PHF14: variants seen among roughly 807,000 people sequenced by gnomAD.
PHF14 encodes PHD finger protein 14.
PHF14 carries 55 observed loss-of-function variants against 117.9 expected under a neutral mutation model. That is an observed-to-expected ratio of 0.47 (90% CI 0.38 to 0.58). PHF14 has a LOEUF of 0.58. Ranked by LOEUF, PHF14 falls within the 20% of genes least tolerant of loss-of-function variation. The pLI is 0.00. For synonymous variants in PHF14, 409 were observed against 368.6 expected, an observed-to-expected ratio of 1.11 and a Z score of -1.26; for missense variants, 978 against 1,122.2, an observed-to-expected ratio of 0.87 and a Z score of 1.84.
intron 5 of PHF14, among the ~76,000 whole-genome samples, chr7:11,016,098 A>AT (rs1056897046): frequency 7.3e-5 from 11 of 151,302 alleles, no homozygotes; most frequent in East Asian, 1.9e-4. Flanking sequence ...TTACTGAGGG[A>AT]TTTTTTTTTG....
At position 11,022,860 on chromosome 7, in the gene PHF14, C is replaced by G. The variant is rs115320271; in HGVS notation, c.1206-8C>G. On this transcript the variant is annotated splice_region_variant and splice_polypyrimidine_tract_variant and intron_variant, in intron 5 of 17. Transcript: ENST00000634607. ...ATTTGATAGCAAAATCATATCTTCT[C>G]TTCTTAGATGGGTTCATATTGTTTG... 0.073 allele frequency: 108,914 copies of G among 1,492,196 alleles called. 4,368 individuals are homozygous for G. The highest frequency in any genetic ancestry group is 0.11 in the African/African-American group (7,788 of 71,950). The allele number at this position is 1,492,196 out of a possible 1,614,324, so 92.4% of individuals were successfully genotyped here. A position where few individuals can be genotyped will look rare whatever the true frequency, so the allele number is the denominator to read the frequency against.
At chr7:11,166,229 AC>A (rs1239814291) in intron 17 of PHF14, among the ~76,000 whole-genome samples, 2 of 152,130 alleles carry the variant, frequency 1.3e-5, no homozygotes, top group Non-Finnish European at 2.9e-5. Context: ...ACTTCATGAA[AC>A]AAATGTCAAA....
At chr7:11,056,798 T>G (rs566732520) in intron 14 of PHF14, among the ~76,000 whole-genome samples, 2 of 148,736 alleles carry the variant, frequency 1.3e-5, no homozygotes, top group South Asian at 4.2e-4. Flanking sequence ...TAATTTTATA[T>G]TCTTAGGAAT....
chr7:11,066,839 G>A (rs980731149), intron 16 of PHF14, among the ~76,000 whole-genome samples: 1 of 152,084 alleles, frequency 6.6e-6, no homozygotes, highest in Non-Finnish European at 1.5e-5. Flanking sequence ...AAGCTGTTTC[G>A]TTTTTCTGGA....
intron 17 of PHF14, among the ~76,000 whole-genome samples, chr7:11,116,646 T>A (rs1174810305): frequency 1.3e-5 from 2 of 151,866 alleles, no homozygotes; most frequent in African/African-American, 4.8e-5. Flanking sequence ...CTACTTTGCT[T>A]GTCATTTGAT....
chr7:11,017,981 G>T (rs1261444446), intron 5 of PHF14, among the ~76,000 whole-genome samples: 1 of 152,082 alleles, frequency 6.6e-6, no homozygotes, highest in East Asian at 1.9e-4. Context: ...TCTGCATATG[G>T]ATATGCAGTT....
At chr7:10,983,183 C>G in intron 3 of PHF14, 24 bp downstream of exon 3, 1 of 1,563,424 alleles carries the variant, frequency 6.4e-7, no homozygotes, top group Non-Finnish European at 8.6e-7. Flanking sequence ...ATTTTTATAT[C>G]TGTCTGTCTG....
chr7:10,991,261 T>A (rs2625440), intron 4 of PHF14, among the ~76,000 whole-genome samples: 95,428 of 152,046 alleles, frequency 0.63, 30,522 homozygotes, highest in Middle Eastern at 0.7. Context: ...GCTCACTTCA[T>A]CCTCCGCCTC....
chr7:10,982,954 G>T lies in PHF14; in HGVS notation c.695G>T (p.Ser232Ile), dbSNP rs1304894029. The T allele has an allele frequency of 2.5e-6, 4 of 1,598,134 alleles. No homozygotes were observed. The African/African-American group carries it at 4.0e-5, about 16-fold the overall frequency. ...AGATCTGCGTCTCAGAAAGAGGGAA[G>T]TGATGGAGACAATGAGGATGATGAA... ...KGRSASQKEG[S>I]DGDNEDDEDE... The change falls in exon 3 of 18, where the codon AGT becomes ATT. Residue 232 changes from serine to isoleucine, a missense_variant. Around this residue, in one of 7 missense-constraint regions of PHF14, gnomAD observed 414 missense variants for 376.4 expected, o/e 1.10. Coordinates refer to ENST00000634607, the MANE Select transcript of PHF14 (RefSeq NM_001007157.2).
In PHF14 at chr7:11,031,361, C is replaced by T. The variant is rs199666860; in HGVS notation, c.1455+2543C>T. On this transcript the variant is annotated intron_variant, in intron 7 of 17. Coordinates refer to ENST00000634607, the MANE Select transcript of PHF14 (RefSeq NM_001007157.2). Reference sequence around the variant, plus strand: ...CTTTTTCATCTACTTTGTGAATATTCCAGATTTATTAAGAATAGTCAAAGC... The same window carrying T: ...CTTTTTCATCTACTTTGTGAATATTTCAGATTTATTAAGAATAGTCAAAGC... 2.7e-5 allele frequency among the ~76,000 whole-genome samples: 4 copies of T among 148,848 alleles called. No homozygotes were observed. The East Asian group carries it at 8.3e-4, about 31-fold the overall frequency.
At chr7:11,036,364 AG>A in intron 8 of PHF14, 53 bp from the exon 9 acceptor site, 1 of 1,385,524 alleles carries the variant, frequency 7.2e-7, no homozygotes, top group Non-Finnish European at 9.9e-7. Flanking sequence ...AAAAATCTTA[AG>A]GAACATGTTT....
intron 17 of PHF14, among the ~76,000 whole-genome samples, chr7:11,123,685 C>T (rs1033993206): frequency 2.6e-5 from 4 of 152,070 alleles, no homozygotes; most frequent in Admixed American, 1.3e-4. Context: ...GAGGCTGAGA[C>T]AGGAGAATCA....
intron 17 of PHF14, among the ~76,000 whole-genome samples, chr7:11,145,240 T>C (rs1016088602): frequency 6.6e-6 from 1 of 151,832 alleles, no homozygotes; most frequent in Non-Finnish European, 1.5e-5. Flanking sequence ...TAGAAGTTTT[T>C]CCTTCATTTC....
At chr7:11,137,319 A>C (rs1788249683) in intron 17 of PHF14, among the ~76,000 whole-genome samples, 1 of 152,142 alleles carries the variant, frequency 6.6e-6, no homozygotes, top group South Asian at 2.1e-4. Flanking sequence ...TGCCATGTGG[A>C]TACTTCTTAT....
intron 17 of PHF14, among the ~76,000 whole-genome samples, chr7:11,124,482 A>G (rs1355827118): frequency 6.6e-6 from 1 of 152,154 alleles, no homozygotes; most frequent in Non-Finnish European, 1.5e-5. Flanking sequence ...CATACTAATA[A>G]TAATAATAGA....
rs143858319 is a variant in PHF14 at position 11,038,233 on chromosome 7, C to T, written c.1981-527C>T. Among the ~76,000 whole-genome samples, 912 of 152,026 alleles carry T rather than the reference C, an allele frequency of 6.0e-3. 9 individuals carry two copies. The highest frequency in any genetic ancestry group is 0.021 in the African/African-American group (869 of 41,470). ...TCGAGACCATCCTAGGAGTTTGAGA[C>T]CAGCCTGGCCAACATGGCAAAACCC... On this transcript the variant is annotated intron_variant, in intron 10 of 17. Coordinates refer to ENST00000634607, the MANE Select transcript of PHF14 (RefSeq NM_001007157.2).
At chr7:11,131,938 A>G (rs1166299624) in intron 17 of PHF14, among the ~76,000 whole-genome samples, 2 of 151,702 alleles carry the variant, frequency 1.3e-5, no homozygotes, top group Non-Finnish European at 2.9e-5. Context: ...ACAATGGACT[A>G]CTGGAATTTT....
intron 10 of PHF14, 24 bp downstream of exon 10, chr7:11,037,115 A>G (rs772634701): frequency 2.7e-6 from 4 of 1,463,156 alleles, no homozygotes; most frequent in Admixed American, 2.5e-5. Context: ...AAAATATGCA[A>G]CATAATGTGA....
At chr7:11,065,576 T>C (rs1247969632) in intron 16 of PHF14, among the ~76,000 whole-genome samples, 2 of 152,144 alleles carry the variant, frequency 1.3e-5, no homozygotes, top group Admixed American at 6.5e-5. Context: ...TAAAGGACAA[T>C]TGATTTTTTG....
Sources: gnomAD v4.1 joint callset for allele counts (sites outside exome capture counted in the v4.1 genomes callset) on GRCh38, gnomAD v4.1.1 for gene constraint, gnomAD v4.1.1 regional missense constraint, MANE v1.5 for transcripts, NCBI Gene and HGNC (gene_info 2026-07-23, HGNC 2026-07-21) for gene names.